SNX25: variants seen among roughly 807,000 people sequenced by gnomAD.
The protein encoded by SNX25 is sorting nexin 25.
Under a neutral mutation model 113.7 loss-of-function variants are expected in SNX25, and 62 were observed. The observed-to-expected ratio is 0.55, with a 90% CI of 0.44 to 0.67. The LOEUF (loss-of-function observed/expected upper bound fraction) is 0.67, where lower values mean the gene tolerates loss of function less well. Ranked by LOEUF, SNX25 falls within the 30% of genes least tolerant of loss-of-function variation. SNX25 has a pLI of 0.00. For missense variants in SNX25, 1,014 were observed against 1,161.0 expected (o/e 0.87, Z 1.84); for synonymous variants, 421 against 436.2 (o/e 0.97, Z 0.43).
chr4:185,323,840 A>C (rs899413091), intron 9 of SNX25, 40 bp downstream of exon 9: 1 of 1,601,626 alleles, frequency 6.2e-7, no homozygotes, highest in African/African-American at 1.4e-5. Flanking sequence ...TTATTGGATA[A>C]GCTTTTAAAT....
In SNX25 at chr4:185,221,220, A is replaced by G. The variant is rs142311287; in HGVS notation, c.429+10965A>G. Reference sequence around the variant, plus strand: ...ACTAATTTTTGTATTTTTTGTAGAGACAGGGTTTCACCATGTTGCCCAGCC... The same window carrying G: ...ACTAATTTTTGTATTTTTTGTAGAGGCAGGGTTTCACCATGTTGCCCAGCC... On this transcript the variant is annotated intron_variant, in intron 1 of 18. Transcript: ENST00000652585. Among the ~76,000 whole-genome samples, 854 of 151,964 alleles carry G rather than the reference A, an allele frequency of 5.6e-3. 7 individuals carry two copies. The highest frequency in any genetic ancestry group is 0.019 in the African/African-American group (779 of 41,426).
chr4:185,233,849 C>T (rs1458986071), intron 1 of SNX25, among the ~76,000 whole-genome samples: 1 of 140,260 alleles, frequency 7.1e-6, no homozygotes, highest in African/African-American at 2.4e-5. Flanking sequence ...GGAAAAACAA[C>T]TTAAGTGTTA....
rs1470507999 is a variant in SNX25 at position 185,310,706 on chromosome 4, A to G, written c.1234A>G (p.Thr412Ala). 1 of 1,614,050 alleles carries G rather than the reference A, an allele frequency of 6.2e-7. No individual in the cohort carries two copies. The highest frequency in any genetic ancestry group is 1.1e-5 in the South Asian group (1 of 91,052). ...CATGAAGAGGTACATCAACCAACTG[A>G]CTGTGGCAAAGAAGCAGTGTGAGAA... The part of the protein sequence containing the change: ...RNMKRYINQL[T>A]VAKKQCEKRI... Residue 412 changes from threonine to alanine, a missense_variant, in exon 7 of 19, where the codon ACT becomes GCT. Thr to Ala is a moderately conservative substitution (Grantham distance 58). Transcript: ENST00000652585.
At chr4:185,224,504 TATATAG>T (rs1740596488) in intron 1 of SNX25, among the ~76,000 whole-genome samples, 6 of 128,124 alleles carry the variant, frequency 4.7e-5, no homozygotes, top group African/African-American at 8.7e-5. Flanking sequence ...GATATATAAA[TATATAG>T]ATATATAAAT....
chr4:185,254,662 G>C (rs893797858), intron 2 of SNX25, among the ~76,000 whole-genome samples: 3 of 152,068 alleles, frequency 2.0e-5, no homozygotes, highest in Non-Finnish European at 1.5e-5. Context: ...TCTCTACTTT[G>C]TTACCCTAAA....
chr4:185,353,490 G>T lies in SNX25; in HGVS notation c.2472G>T (p.Glu824Asp), dbSNP rs750538906. 1 of 1,613,348 alleles carries T rather than the reference G, an allele frequency of 6.2e-7. No homozygotes were observed. The highest frequency in any genetic ancestry group is 1.7e-5 in the Admixed American group (1 of 60,022). ...PRDFFSHQEEETEEDSDLSDY... is the reference protein window; with the variant it reads ...PRDFFSHQEEDTEEDSDLSDY... Reference sequence around the variant, plus strand: ...TGACTTTGCTGTATTCCCAGGAGGAGACAGAGGAGGACAGTGACCTGTCAG... The same window carrying T: ...TGACTTTGCTGTATTCCCAGGAGGATACAGAGGAGGACAGTGACCTGTCAG... The change falls in exon 15 of 19, where the codon GAG (glutamate) becomes GAT (aspartate). Residue 824 changes from glutamate to aspartate, a missense_variant. Glu to Asp is a conservative substitution (Grantham distance 45). Coordinates refer to ENST00000652585, the MANE Select transcript of SNX25 (RefSeq NM_001378034.2).
rs1000694492 is a variant in SNX25 at position 185,350,844 on chromosome 4, C to T, written c.2302-601C>T. On this transcript the variant is annotated intron_variant, in intron 13 of 18. Transcript: ENST00000652585. ...GCCACTGCACGACATCCTGGATGAC[C>T]GAGTGAGACTCCGTCTCAAAAAAAA... Among the ~76,000 whole-genome samples, 15 of 152,046 alleles carry T rather than the reference C, an allele frequency of 9.9e-5. 1 individual carries two copies. The highest frequency in any genetic ancestry group is 3.1e-4 in the African/African-American group (13 of 41,396).
intron 13 of SNX25, among the ~76,000 whole-genome samples, chr4:185,347,967 A>T (rs1169135394): frequency 6.6e-6 from 1 of 152,110 alleles, no homozygotes; most frequent in Non-Finnish European, 1.5e-5. Flanking sequence ...AGCCCACTTT[A>T]TCATTTTTTT....
chr4:185,377,027 A>T, the SNX25 span: 5 of 1,580,796 alleles, frequency 3.2e-6, no homozygotes, highest in Non-Finnish European at 4.3e-6. Flanking sequence ...ATCTGATTTT[A>T]AAAAGGTAAG....
intron 8 of SNX25, 135 bp from the exon 9 acceptor site, chr4:185,323,393 T>G: frequency 1.3e-6 from 1 of 761,850 alleles, no homozygotes; most frequent in Non-Finnish European, 2.1e-6. Flanking sequence ...ACCCTGAATA[T>G]GGACACAAAA....
chr4:185,282,675 T>C (rs759875725), intron 5 of SNX25, among the ~76,000 whole-genome samples: 17 of 152,230 alleles, frequency 1.1e-4, no homozygotes, highest in Admixed American at 2.6e-4. Context: ...GGACAAAGGA[T>C]ACTGTAGGTA....
At chr4:185,374,527 C>A, downstream of SNX25, 1 of 1,558,530 alleles carries the variant, frequency 6.4e-7, no homozygotes, top group East Asian at 2.2e-5. Flanking sequence ...TTTCTTTCTC[C>A]CAATAAGGCT....
chr4:185,228,040 G>A (rs535599671), intron 1 of SNX25, among the ~76,000 whole-genome samples: 10 of 152,266 alleles, frequency 6.6e-5, no homozygotes, highest in Admixed American at 3.9e-4. Context: ...AGGTGCAGAG[G>A]GAGGACCGAG....
At chr4:185,271,502 G>A (rs528403271) in intron 5 of SNX25, among the ~76,000 whole-genome samples, 2 of 152,298 alleles carry the variant, frequency 1.3e-5, no homozygotes, top group African/African-American at 2.4e-5. Context: ...ACTCGCCTCG[G>A]TCTCTCAAAG....
chr4:185,374,180 C>T (rs2095425499), downstream of SNX25: 2 of 1,614,010 alleles, frequency 1.2e-6, no homozygotes, highest in African/African-American at 2.7e-5. Context: ...ACAGCCCGAG[C>T]ATACTTTGAG....
chr4:185,220,154 A>G (rs1411944055), intron 1 of SNX25, among the ~76,000 whole-genome samples: 1 of 152,186 alleles, frequency 6.6e-6, no homozygotes, highest in African/African-American at 2.4e-5. Context: ...TTTGGGCCTC[A>G]GACTTATTTA....
upstream of SNX25, among the ~76,000 whole-genome samples, chr4:185,208,908 A>G (rs954571492): frequency 1.3e-5 from 2 of 152,234 alleles, no homozygotes; most frequent in African/African-American, 4.8e-5. Flanking sequence ...ATGACAGAAG[A>G]AAAGGCAAAT....
intron 7 of SNX25, among the ~76,000 whole-genome samples, chr4:185,315,085 G>A (rs12512196): frequency 0.33 from 49,862 of 150,046 alleles, 8,933 homozygotes; most frequent in East Asian, 0.49. Flanking sequence ...AAAATTAGCC[G>A]GGCGCGGTGG....
At chr4:185,314,661 C>T (rs1383264255) in intron 7 of SNX25, among the ~76,000 whole-genome samples, 2 of 150,920 alleles carry the variant, frequency 1.3e-5, no homozygotes, top group Admixed American at 6.6e-5. Context: ...AGATCGAGAC[C>T]ATCCTGGCCA....
Sources: allele counts gnomAD v4.1 joint callset (sites outside exome capture counted in the v4.1 genomes callset), GRCh38; gene constraint gnomAD v4.1.1; transcripts MANE v1.5; gene names NCBI Gene and HGNC (gene_info 2026-07-23, HGNC 2026-07-21).